PRMT9: variants seen among roughly 807,000 people sequenced by gnomAD.
PRMT9 encodes the protein protein arginine N-methyltransferase 9.
Under a neutral mutation model 83.2 loss-of-function variants are expected in PRMT9, and 59 were observed. The ratio of observed to expected loss-of-function variants is 0.71; its 90% CI spans 0.57 to 0.88. The LOEUF is 0.88. PRMT9 is among the 40% of genes least tolerant of loss of function. The probability of loss-of-function intolerance (pLI) is 0.00; values close to 1 mark genes in which losing one functional copy is unlikely to be tolerated. For missense variants in PRMT9, 947 were observed against 1,021.9 expected (o/e 0.93, Z 1.00); for synonymous variants, 333 against 353.2 (o/e 0.94, Z 0.64).
chr4:147,658,232 T>C (rs1734673850), intron 7 of PRMT9, among the ~76,000 whole-genome samples: 1 of 151,706 alleles, frequency 6.6e-6, no homozygotes, highest in South Asian at 2.1e-4. Context: ...CCATAATATA[T>C]TGTTGAATTG....
At chr4:147,675,018 T>C (rs1008194545) in intron 2 of PRMT9, among the ~76,000 whole-genome samples, 1 of 152,230 alleles carries the variant, frequency 6.6e-6, no homozygotes, top group Admixed American at 6.5e-5. Flanking sequence ...TTCGCTTTTG[T>C]TGCCCAGGCT....
In PRMT9 at chr4:147,654,111, C is replaced by A. The variant is rs751553388; in HGVS notation, c.1786G>T (p.Val596Phe). ...ACCTGCCCAAGTGTGCCAGCAATAA[C>A]AGGCAGAACAGAGAAGCCTTCGGAC... Reference protein sequence around the residue: ...DVSEGFSVLPVIAGTLGQVKP... With the variant: ...DVSEGFSVLPFIAGTLGQVKP... Residue 596 changes from valine to phenylalanine, a missense_variant, in exon 9 of 12, where the codon GTT becomes TTT. Val to Phe is a conservative substitution (Grantham distance 50, BLOSUM62 -1). Transcript: ENST00000322396. 8 of 1,614,238 alleles carry A rather than the reference C, an allele frequency of 5.0e-6. No individual in the cohort carries two copies. In the Admixed American group the frequency reaches 1.3e-4, roughly 27 times the overall value.
At position 147,640,061 on chromosome 4, in the gene PRMT9, C is replaced by CT. The variant is rs1185905675; in HGVS notation, c.2200-980dup. On this transcript the variant is annotated intron_variant, in intron 10 of 11. Coordinates refer to ENST00000322396, the MANE Select transcript of PRMT9 (RefSeq NM_138364.4). ...CTCACACTAACTGGTCCACTCCTGT[C>CT]TTTTTTTTTTTTTTTTTTTTTTTTT... 6.6e-3 allele frequency among the ~76,000 whole-genome samples: 230 copies of CT among 35,072 alleles called. 57 individuals carry two copies. Among genetic ancestry groups the CT allele is most frequent in the African/African-American group, 0.02 (215 of 10,876 alleles). 23.0% of individuals were successfully genotyped at this position (35,072 alleles called of 152,430 possible).
In PRMT9 at chr4:147,657,783, A is replaced by T; in HGVS notation, c.1330+9T>A. 6.2e-7 allele frequency: 1 copy of T among 1,610,906 alleles called. No homozygotes were observed. Among genetic ancestry groups the T allele is most frequent in the Non-Finnish European group, 8.5e-7 (1 of 1,178,132 alleles). On this transcript the variant is annotated intron_variant, in intron 8 of 11. Coordinates refer to ENST00000322396, the MANE Select transcript of PRMT9 (RefSeq NM_138364.4). ...CAAGAGGTTAAAAAAAAAAATGGAC[A>T]AGACCTACCTGCAAGGTCCTGTACG...
At chr4:147,678,329 C>T (rs913610595) in intron 2 of PRMT9, among the ~76,000 whole-genome samples, 2 of 148,744 alleles carry the variant, frequency 1.3e-5, no homozygotes, top group African/African-American at 2.6e-5. Context: ...ATGAGATTAA[C>T]TAAATTCCTA....
intron 1 of PRMT9, among the ~76,000 whole-genome samples, chr4:147,681,785 A>T (rs79996692): frequency 0.14 from 548 of 3,806 alleles, 6 homozygotes; most frequent in Admixed American, 0.45. Context: ...AGACTCTATA[A>T]AAAAAAAAAA....
chr4:147,638,983 T>C lies in PRMT9; in HGVS notation c.2299A>G (p.Asn767Asp). ...ACCTTTACTTCTCTGTTAGAGGTGT[T>C]CAAATACGGAGTCATTAAATCTAGT... ...LRLDLMTPYL[N>D]TSNREVKVYV... The change falls in exon 11 of 12, where the codon AAC becomes GAC. Residue 767 changes from asparagine to aspartate, a missense_variant. Asn to Asp is a conservative substitution (Grantham distance 23). Transcript: ENST00000322396. 1.2e-6 allele frequency: 2 copies of C among 1,612,636 alleles called. No homozygotes were observed. Among genetic ancestry groups the C allele is most frequent in the South Asian group, 2.2e-5 (2 of 91,048 alleles).
chr4:147,675,476 G>A (rs1438718357), intron 2 of PRMT9, among the ~76,000 whole-genome samples: 1 of 152,086 alleles, frequency 6.6e-6, no homozygotes, highest in Non-Finnish European at 1.5e-5. Flanking sequence ...GAACTATCTT[G>A]TTCTTATTTG....
intron 1 of PRMT9, among the ~76,000 whole-genome samples, chr4:147,681,858 G>C (rs1389820760): frequency 6.6e-6 from 1 of 151,910 alleles, no homozygotes; most frequent in East Asian, 1.9e-4. Flanking sequence ...TGGTGTGGCC[G>C]GAGTTTGGGT....
At chr4:147,673,584 T>C in intron 3 of PRMT9, 54 bp downstream of exon 3, 1 of 1,155,690 alleles carries the variant, frequency 8.7e-7, no homozygotes, top group Admixed American at 1.7e-5. Context: ...TGGCAAAATC[T>C]TTAATTTACA....
At chr4:147,661,109 T>C (rs1327982641) in intron 6 of PRMT9, 71 bp from the exon 7 acceptor site, 4 of 962,988 alleles carry the variant, frequency 4.2e-6, no homozygotes, top group Non-Finnish European at 6.7e-6. Flanking sequence ...TATCTAATAC[T>C]GAGTCCAGAA....
intron 10 of PRMT9, among the ~76,000 whole-genome samples, chr4:147,641,164 C>A (rs1733372901): frequency 6.6e-6 from 1 of 152,178 alleles, no homozygotes; most frequent in Non-Finnish European, 1.5e-5. Flanking sequence ...AACACAGCAA[C>A]CACAGCAAGC....
At chr4:147,641,609 A>G (rs929298078) in intron 10 of PRMT9, among the ~76,000 whole-genome samples, 1 of 152,182 alleles carries the variant, frequency 6.6e-6, no homozygotes, top group Non-Finnish European at 1.5e-5. Context: ...TAAATCCACG[A>G]GAGAGTAAAC....
At chr4:147,660,245 G>T (rs534184748) in intron 7 of PRMT9, among the ~76,000 whole-genome samples, 1 of 152,258 alleles carries the variant, frequency 6.6e-6, no homozygotes, top group African/African-American at 2.4e-5. Flanking sequence ...TAATTGTATG[G>T]CAGTATGTCA....
chr4:147,643,011 G>A (rs2654944), intron 9 of PRMT9, 71 bp from the exon 10 acceptor site: 2 of 1,464,430 alleles, frequency 1.4e-6, no homozygotes, highest in South Asian at 1.1e-5. Flanking sequence ...TGTAATCCTA[G>A]CACTTTGGGA....
rs1230204094 is a variant in PRMT9, at chr4:147,684,131, A to AC, written c.-145dup. On this transcript the variant is annotated 5_prime_UTR_variant, in exon 1 of 12. Coordinates refer to ENST00000322396, the MANE Select transcript of PRMT9 (RefSeq NM_138364.4). ...CCCTCCGCCGCGGGTGAACTCGCCA[A>AC]CCCCAGCCCAGGCGGAAGCTCCGCC... 5 of 960,600 alleles carry AC rather than the reference A, an allele frequency of 5.2e-6. No homozygotes were observed. The East Asian group carries it at 1.3e-4, about 25-fold the overall frequency. 59.5% of individuals were successfully genotyped at this position (960,600 alleles called of 1,614,324 possible).
At chr4:147,680,505 A>T in intron 1 of PRMT9, 34 bp from the exon 2 acceptor site, 1 of 1,474,858 alleles carries the variant, frequency 6.8e-7, no homozygotes, top group Non-Finnish European at 9.4e-7. Context: ...TGAATTAGTC[A>T]ATAACATAAA....
rs143082612 is a variant in PRMT9 at position 147,683,300 on chromosome 4, C to T, written c.189+499G>A. Reference sequence around the variant, plus strand: ...ATTCGAGGGCCTTTAAAATTTTAAACGAGATGAAAGTTTTGAAACTGAGAA... The same window carrying T: ...ATTCGAGGGCCTTTAAAATTTTAAATGAGATGAAAGTTTTGAAACTGAGAA... On this transcript the variant is annotated intron_variant, in intron 1 of 11. Transcript: ENST00000322396. Among the ~76,000 whole-genome samples the T allele has an allele frequency of 1.3e-3, 192 of 152,146 alleles. 1 individual carries two copies. Among genetic ancestry groups the T allele is most frequent in the African/African-American group, 4.5e-3 (186 of 41,496 alleles).
chr4:147,676,651 G>C (rs916463758), intron 2 of PRMT9, among the ~76,000 whole-genome samples: 1 of 152,180 alleles, frequency 6.6e-6, no homozygotes, highest in African/African-American at 2.4e-5. Context: ...CCTAGGCCAT[G>C]TTAATTAAGA....
Sources: allele counts gnomAD v4.1 joint callset (sites outside exome capture counted in the v4.1 genomes callset), GRCh38; gene constraint gnomAD v4.1.1; transcripts MANE v1.5; gene names NCBI Gene and HGNC (gene_info 2026-07-23, HGNC 2026-07-21).